Variants in BACH1 observed in about 807,000 individuals in gnomAD.
BACH1 encodes the protein transcription regulator protein BACH1.
Under a neutral mutation model 52.9 loss-of-function variants are expected in BACH1, and 35 were observed. That is an observed-to-expected ratio of 0.66 (90% CI 0.51 to 0.88). The LOEUF (loss-of-function observed/expected upper bound fraction) is 0.88. Among genes scored for constraint, BACH1 ranks in the 40% least tolerant of loss-of-function variants. The pLI is 0.00. For missense variants in BACH1, 808 were observed against 872.6 expected (o/e 0.93, Z 0.93); for synonymous variants, 321 against 319.6 (o/e 1.00, Z -0.05).
chr21:29,349,579 G>A (rs1801842329), downstream of BACH1, among the ~76,000 whole-genome samples: 1 of 152,164 alleles, frequency 6.6e-6, no homozygotes, highest in African/African-American at 2.4e-5. Context: ...GAGAGGTGTG[G>A]AGGGAATTTC....
In BACH1 at chr21:29,326,438, A is replaced by G; in HGVS notation, c.614A>G (p.Gln205Arg). ...CCTCCTCTACAAGACAGTGCCAGTC[A>G]GACATATGAGTCCATGTGCTTAGAG... ...ASPPLQDSAS[Q>R]TYESMCLEKD... Residue 205 changes from glutamine (Q) to arginine (R), a missense_variant, in exon 3 of 5, where the codon CAG (glutamine) becomes CGG (arginine). By Grantham distance (43) the Gln-to-Arg change is conservative (BLOSUM62 1). Transcript: ENST00000286800. 6.2e-7 allele frequency: 1 copy of G among 1,614,252 alleles called. No homozygotes were observed. Among genetic ancestry groups the G allele is most frequent in the Non-Finnish European group, 8.5e-7 (1 of 1,180,040 alleles).
rs769815586 is a variant in BACH1 at position 29,326,383 on chromosome 21, C to T, written c.559C>T (p.Arg187Cys). The change falls in exon 3 of 5, where the codon CGC (arginine) becomes TGC (cysteine). Residue 187 changes from arginine to cysteine, a missense_variant. Arg to Cys is a radical substitution (Grantham distance 180). Transcript: ENST00000286800. Reference sequence around the variant, plus strand: ...TGTTCAGACTCCTCAGTGTAAACTCCGCAGGTATCAAGGAAATGCAAAAGC... The same window carrying T: ...TGTTCAGACTCCTCAGTGTAAACTCTGCAGGTATCAAGGAAATGCAAAAGC... ...KNVQTPQCKL[R>C]RYQGNAKASP... 2.0e-5 allele frequency: 33 copies of T among 1,614,036 alleles called. No individual in the cohort carries two copies. In the Admixed American group the frequency reaches 3.5e-4, roughly 17 times the overall value.
chr21:29,319,187 G>A (rs2123431238), intron 1 of BACH1, among the ~76,000 whole-genome samples: 1 of 152,280 alleles, frequency 6.6e-6, no homozygotes, highest in African/African-American at 2.4e-5. Context: ...TAATAATCTT[G>A]CCATTGATAG....
intron 4 of BACH1, among the ~76,000 whole-genome samples, chr21:29,333,278 G>A (rs2089006162): frequency 6.6e-6 from 1 of 152,142 alleles, no homozygotes; most frequent in Non-Finnish European, 1.5e-5. Flanking sequence ...CTTGTCTTTT[G>A]TAAACAGAAA....
At chr21:29,326,015 C>A in intron 2 of BACH1, 44 bp from the exon 3 acceptor site, 1 of 1,538,672 alleles carries the variant, frequency 6.5e-7, no homozygotes, top group Non-Finnish European at 8.7e-7. Context: ...ATGTACTAGA[C>A]AGCTTTCAAA....
rs2089151360 is a variant in BACH1, at chr21:29,344,678, G to A, written c.*1845G>A. 6.6e-6 allele frequency: 1 copy of A among 150,636 alleles called. No homozygotes were observed. The highest frequency in any genetic ancestry group is 1.5e-5 in the Non-Finnish European group (1 of 67,668). 9.3% of individuals were successfully genotyped at this position (150,636 alleles called of 1,614,324 possible). A position where few individuals can be genotyped will look rare whatever the true frequency, so the allele number is the denominator to read the frequency against. Reference sequence around the variant, plus strand: ...TGTGTGTGTGTGTGTGTATGTGTATGTATACATATATATCTCTCCATATAG... The same window carrying A: ...TGTGTGTGTGTGTGTGTATGTGTATATATACATATATATCTCTCCATATAG... On this transcript the variant is annotated 3_prime_UTR_variant, in exon 5 of 5. Transcript: ENST00000286800.
At chr21:29,314,030 T>A (rs557777028) in intron 1 of BACH1, among the ~76,000 whole-genome samples, 2 of 152,230 alleles carry the variant, frequency 1.3e-5, no homozygotes, top group South Asian at 2.1e-4. Context: ...TGACAGAAAA[T>A]ATGTATTCAG....
In BACH1 at chr21:29,342,678, G is replaced by A. The variant is rs770545905; in HGVS notation, c.2056G>A (p.Gly686Arg). 1 of 1,614,208 alleles carries A rather than the reference G, an allele frequency of 6.2e-7. No individual in the cohort carries two copies. Among genetic ancestry groups the A allele is most frequent in the Non-Finnish European group, 8.5e-7 (1 of 1,180,044 alleles). The change falls in exon 5 of 5, where the codon GGA becomes AGA. Residue 686 changes from glycine to arginine, a missense_variant. Coordinates refer to ENST00000286800, the MANE Select transcript of BACH1 (RefSeq NM_001186.4). The part of the protein sequence containing the change: ...PPAVLPPCAR[G>R]NSEPGYARGQ... ...AGCAGTGCTGCCTCCCTGTGCCAGA[G>A]GAAACAGTGAGCCTGGCTACGCGCG...
intron 2 of BACH1, among the ~76,000 whole-genome samples, chr21:29,353,751 G>A (rs2089216995): frequency 6.6e-6 from 1 of 152,188 alleles, no homozygotes; most frequent in South Asian, 2.1e-4. Context: ...GTCACCTAGA[G>A]TTTGGGAGAC....
chr21:29,350,089 C>T (rs2089193782), downstream of BACH1, among the ~76,000 whole-genome samples: 1 of 152,128 alleles, frequency 6.6e-6, no homozygotes, highest in African/African-American at 2.4e-5. Context: ...ATTCAATATG[C>T]TCACAGCCTG....
intron 2 of BACH1, among the ~76,000 whole-genome samples, chr21:29,323,801 A>G (rs964525207): frequency 2.0e-5 from 3 of 152,168 alleles, no homozygotes; most frequent in Non-Finnish European, 2.9e-5. Context: ...CATTGATAAC[A>G]TTTTGCAAAA....
At position 29,344,197 on chromosome 21, in the gene BACH1, G is replaced by A. The variant is rs2089145189; in HGVS notation, c.*1364G>A. The A allele has an allele frequency of 6.6e-6, 1 of 152,480 alleles. No individual in the cohort carries two copies. Among genetic ancestry groups the A allele is most frequent in the Non-Finnish European group, 1.5e-5 (1 of 68,036 alleles). 9.4% of individuals were successfully genotyped at this position (152,480 alleles called of 1,614,324 possible). A position where few individuals can be genotyped will look rare whatever the true frequency, so the allele number is the denominator to read the frequency against. ...AAAAATGCATATATTCACATTCACA[G>A]AAACATTGGCAGAACCCAGTTTTAA... is the stretch of plus-strand genomic sequence containing the variant. On this transcript the variant is annotated 3_prime_UTR_variant, in exon 5 of 5. Transcript: ENST00000286800.
intron 2 of BACH1, among the ~76,000 whole-genome samples, chr21:29,357,546 T>G (rs1230478895): frequency 6.6e-6 from 1 of 152,142 alleles, no homozygotes; most frequent in Non-Finnish European, 1.5e-5. Flanking sequence ...TAGTATGCCA[T>G]TTACATCATG....
chr21:29,326,777 A>G lies in BACH1; in HGVS notation c.953A>G (p.His318Arg). Residue 318 changes from histidine (H) to arginine (R), a missense_variant, in exon 3 of 5, where the codon CAT becomes CGT. Transcript: ENST00000286800. Reference protein sequence around the residue: ...PFPHNSSIDPHGLYSLSLLHT... With the variant: ...PFPHNSSIDPRGLYSLSLLHT... ...CCCCACAATTCTTCCATAGACCCTC[A>G]TGGACTTTATTCTTTGTCTCTTTTA... is the stretch of plus-strand genomic sequence containing the variant. The G allele has an allele frequency of 6.2e-7, 1 of 1,614,034 alleles. No homozygotes were observed. The highest frequency in any genetic ancestry group is 8.5e-7 in the Non-Finnish European group (1 of 1,180,036).
chr21:29,302,433 C>G (rs2088613818), intron 1 of BACH1, among the ~76,000 whole-genome samples: 4 of 152,138 alleles, frequency 2.6e-5, no homozygotes, highest in Admixed American at 2.6e-4. Flanking sequence ...GTACAGTTGA[C>G]AAAGAAGCAG....
rs1485445226 is a variant in BACH1 at position 29,342,806 on chromosome 21, G to C, written c.2184G>C (p.Met728Ile). 1 of 1,607,452 alleles carries C rather than the reference G, an allele frequency of 6.2e-7. No homozygotes were observed. Among genetic ancestry groups the C allele is most frequent in the Admixed American group, 1.7e-5 (1 of 59,772 alleles). The change falls in exon 5 of 5, where the codon ATG becomes ATC. Residue 728 changes from methionine to isoleucine, a missense_variant. Met to Ile is a conservative substitution (Grantham distance 10). Coordinates refer to ENST00000286800, the MANE Select transcript of BACH1 (RefSeq NM_001186.4). ...GGATCTCAGATTTCTGTCAGCAGATGACTGATAAATGTACTACTGATGAGT... is the reference window on the plus strand; with the variant it reads ...GGATCTCAGATTTCTGTCAGCAGATCACTGATAAATGTACTACTGATGAGT... ...SGGISDFCQQ[M>I]TDKCTTDE
intron 4 of BACH1, among the ~76,000 whole-genome samples, chr21:29,331,866 T>A (rs1470289294): frequency 6.6e-6 from 1 of 152,214 alleles, no homozygotes; most frequent in Non-Finnish European, 1.5e-5. Context: ...TTTATTATTT[T>A]CCATTTTCTA....
intron 1 of BACH1, among the ~76,000 whole-genome samples, chr21:29,320,513 T>G: frequency 6.6e-6 from 1 of 152,246 alleles, no homozygotes. Context: ...TATAACTTTT[T>G]CTTAGCATTT....
At chr21:29,332,921 G>A (rs532679109) in intron 4 of BACH1, among the ~76,000 whole-genome samples, 1 of 152,104 alleles carries the variant, frequency 6.6e-6, no homozygotes, top group Non-Finnish European at 1.5e-5. Flanking sequence ...CTAGATAGGC[G>A]CCAGTCTGAC....
Sources: allele counts gnomAD v4.1 joint callset (sites outside exome capture counted in the v4.1 genomes callset), GRCh38; gene constraint gnomAD v4.1.1; transcripts MANE v1.5; gene names NCBI Gene and HGNC (gene_info 2026-07-23, HGNC 2026-07-21).